CENPS: variants seen among roughly 807,000 people sequenced by gnomAD.
CENPS encodes the protein FANCM associated histone fold protein 1.
CENPS carries 16 observed loss-of-function variants against 17.9 expected under a neutral mutation model. The observed-to-expected ratio is 0.90, with a 90% CI of 0.61 to 1.36. The LOEUF (loss-of-function observed/expected upper bound fraction) is 1.36, where lower values mean the gene tolerates loss of function less well. Among genes scored for constraint, CENPS ranks in the 40% most tolerant of loss-of-function variants. The probability of loss-of-function intolerance (pLI) is 0.00; values close to 1 mark genes in which losing one functional copy is unlikely to be tolerated. For missense variants in CENPS, 160 were observed against 158.6 expected, an observed-to-expected ratio of 1.01 and a Z score of -0.05; for synonymous variants, 49 against 55.8, an observed-to-expected ratio of 0.88 and a Z score of 0.54.
At chr1:10,435,125 A>G (rs1640093345) in intron 3 of CENPS, among the ~76,000 whole-genome samples, 2 of 152,310 alleles carry the variant, frequency 1.3e-5, no homozygotes, top group South Asian at 4.1e-4. Context: ...AATGGCAGGC[A>G]GGGGTTTTCA....
chr1:10,435,208 A>G (rs556001997), intron 3 of CENPS, among the ~76,000 whole-genome samples: 1 of 152,280 alleles, frequency 6.6e-6, no homozygotes, highest in South Asian at 2.1e-4. Flanking sequence ...CTAAAGCCTC[A>G]GCTTTTACAG....
chr1:10,431,232 C>T, intron 1 of CENPS: 1 of 1,531,402 alleles, frequency 6.5e-7, no homozygotes, highest in Non-Finnish European at 8.7e-7. Context: ...CGTGAAGAGG[C>T]TTAAAAGCAA....
At chr1:10,439,085 G>T (rs1640300858) in intron 3 of CENPS, among the ~76,000 whole-genome samples, 1 of 152,188 alleles carries the variant, frequency 6.6e-6, no homozygotes, top group Non-Finnish European at 1.5e-5. Flanking sequence ...AGCAGATATT[G>T]TCAATCACGA....
At chr1:10,435,695 T>A (rs1640116413) in intron 3 of CENPS, among the ~76,000 whole-genome samples, 1 of 96,394 alleles carries the variant, frequency 1.0e-5, no homozygotes, top group Non-Finnish European at 2.4e-5. Flanking sequence ...TTTAAATACT[T>A]AAAAATAATA....
At position 10,431,413 on chromosome 1, in the gene CENPS, C is replaced by A. The variant is rs1480446388; in HGVS notation, c.51+845C>A. On this transcript the variant is annotated intron_variant, in intron 1 of 4. Coordinates refer to ENST00000309048, the MANE Select transcript of CENPS (RefSeq NM_199294.3). ...GTTGCAAGAACACGGTACAGAATGC[C>A]CAGATGCCCGTCACCTTGATTCACC... 3.3e-6 allele frequency: 5 copies of A among 1,535,204 alleles called. No homozygotes were observed. The South Asian group carries it at 4.8e-5, about 15-fold the overall frequency.
chr1:10,431,490 G>A, intron 1 of CENPS: 2 of 1,402,212 alleles, frequency 1.4e-6, no homozygotes, highest in Non-Finnish European at 1.9e-6. Flanking sequence ...CCAGCCCCGC[G>A]ATTGGAGAAT....
intron 1 of CENPS, among the ~76,000 whole-genome samples, chr1:10,432,156 C>T (rs193173051): frequency 1.3e-5 from 2 of 151,890 alleles, no homozygotes; most frequent in South Asian, 4.2e-4. Context: ...GGCTCCATCT[C>T]GCCTCACTGC....
intron 1 of CENPS, 50 bp from the exon 2 acceptor site, chr1:10,433,792 A>G (rs200395132): frequency 1.2e-6 from 2 of 1,610,266 alleles, no homozygotes; most frequent in East Asian, 4.5e-5. Context: ...AGGCGTGAAA[A>G]GCTCTTATTT....
At chr1:10,435,188 C>G (rs1309479886) in intron 3 of CENPS, among the ~76,000 whole-genome samples, 1 of 152,166 alleles carries the variant, frequency 6.6e-6, no homozygotes, top group Non-Finnish European at 1.5e-5. Context: ...GGGTGACTTG[C>G]TTTCAGCTGC....
At chr1:10,432,419 A>G (rs1265638029) in intron 1 of CENPS, among the ~76,000 whole-genome samples, 3 of 152,210 alleles carry the variant, frequency 2.0e-5, no homozygotes, top group Non-Finnish European at 2.9e-5. Flanking sequence ...CTGGCTCTCA[A>G]TAGACCAACA....
chr1:10,431,283 C>T, intron 1 of CENPS: 1 of 1,534,938 alleles, frequency 6.5e-7, no homozygotes, highest in East Asian at 2.4e-5. Flanking sequence ...ACTGAAGAAA[C>T]GCGGGAATGA....
intron 3 of CENPS, among the ~76,000 whole-genome samples, chr1:10,438,247 C>T (rs543790820): frequency 5.9e-5 from 9 of 151,988 alleles, no homozygotes; most frequent in South Asian, 2.1e-4. Context: ...TGGGTTCAAG[C>T]GATTCGCCTT....
At position 10,434,188 on chromosome 1, in the gene CENPS, G is replaced by A. The variant is rs138235093; in HGVS notation, c.175+223G>A. On this transcript the variant is annotated intron_variant, in intron 2 of 4. Coordinates refer to ENST00000309048, the MANE Select transcript of CENPS (RefSeq NM_199294.3). Reference sequence around the variant, plus strand: ...ATTACACTAACACTGGGGCATTAACGCCTTTATTTTATTGTTTTAAACTGC... The same window carrying A: ...ATTACACTAACACTGGGGCATTAACACCTTTATTTTATTGTTTTAAACTGC... Among the ~76,000 whole-genome samples, 97 of 152,246 alleles carry A rather than the reference G, an allele frequency of 6.4e-4. 1 individual carries two copies. Among genetic ancestry groups the A allele is most frequent in the African/African-American group, 2.1e-3 (87 of 41,530 alleles).
intron 3 of CENPS, chr1:10,440,082 CCT>C: frequency 2.1e-6 from 1 of 475,942 alleles, no homozygotes. Flanking sequence ...CCCCCAGCCT[CCT>C]GTCTGTGCTC....
chr1:10,430,769 C>A, intron 1 of CENPS: 1 of 1,390,046 alleles, frequency 7.2e-7, no homozygotes, highest in African/African-American at 1.5e-5. Flanking sequence ...CCCTGGCCTG[C>A]GCTGGCTGGG....
chr1:10,430,925 G>T, intron 1 of CENPS: 2 of 1,251,810 alleles, frequency 1.6e-6, no homozygotes, highest in Non-Finnish European at 2.0e-6. Flanking sequence ...TCCAGGTGAC[G>T]CCCGTACGCG....
At chr1:10,439,354 C>G (rs191823089) in intron 3 of CENPS, among the ~76,000 whole-genome samples, 1 of 152,092 alleles carries the variant, frequency 6.6e-6, no homozygotes, top group Non-Finnish European at 1.5e-5. Flanking sequence ...ATTATTGAAT[C>G]GAGCTTATTA....
intron 3 of CENPS, among the ~76,000 whole-genome samples, chr1:10,438,545 T>C (rs1640274077): frequency 6.6e-6 from 1 of 152,210 alleles, no homozygotes; most frequent in Non-Finnish European, 1.5e-5. Context: ...AGGAAATACA[T>C]TCTGGAAACT....
At chr1:10,435,981 AT>A (rs141993546) in intron 3 of CENPS, among the ~76,000 whole-genome samples, 66,457 of 142,278 alleles carry the variant, frequency 0.47, 14,564 homozygotes, top group South Asian at 0.54. Context: ...TAAGAGGTTG[AT>A]TTTTTTTTTT....
Sources: gnomAD v4.1 joint callset for allele counts (sites outside exome capture counted in the v4.1 genomes callset) on GRCh38, gnomAD v4.1.1 for gene constraint, MANE v1.5 for transcripts, NCBI Gene and HGNC (gene_info 2026-07-23, HGNC 2026-07-21) for gene names.